Variants in PHLPP1 observed in about 807,000 individuals in gnomAD.
PHLPP1 encodes the protein PH domain and leucine rich repeat protein phosphatase 1, also known as PH domain leucine-rich repeat-containing protein phosphatase 1.
PHLPP1 carries 42 observed loss-of-function variants against 117.2 expected under a neutral mutation model. The observed-to-expected ratio is 0.36, with a 90% confidence interval of 0.28 to 0.46. The LOEUF is 0.46. Ranked by LOEUF, PHLPP1 falls within the 20% of genes least tolerant of loss-of-function variation. The pLI is 1.00. For missense variants in PHLPP1, 2,084 were observed against 2,241.9 expected, an observed-to-expected ratio of 0.93 and a Z score of 1.42; for synonymous variants, 1,042 against 970.7, an observed-to-expected ratio of 1.07 and a Z score of -1.37.
chr18:62,818,132 C>A (rs1914346990), intron 1 of PHLPP1, among the ~76,000 whole-genome samples: 1 of 152,032 alleles, frequency 6.6e-6, no homozygotes, highest in Non-Finnish European at 1.5e-5. Flanking sequence ...GTGTGAGCCA[C>A]CATGCCCGGG....
At chr18:62,952,110 G>A (rs1422468061) in intron 12 of PHLPP1, among the ~76,000 whole-genome samples, 2 of 151,276 alleles carry the variant, frequency 1.3e-5, no homozygotes, top group African/African-American at 2.4e-5. Flanking sequence ...GAGCCACCGC[G>A]CCCGGCCATA....
In PHLPP1 at chr18:62,717,069, G is replaced by GCC; in HGVS notation, c.1387_1388dup (p.Pro464LeufsTer92). The GCC allele has an allele frequency of 6.5e-7, 1 of 1,543,740 alleles. No homozygotes were observed. The highest frequency in any genetic ancestry group is 1.2e-5 in the South Asian group (1 of 83,838). ...GGAGCGGGGTGACCGCGGAGAAGGCGCCTCCGCCGCCCCCGCCGCCCACCC... is the reference window on the plus strand; with the variant it reads ...GGAGCGGGGTGACCGCGGAGAAGGCGCCCCTCCGCCGCCCCCGCCGCCCACCC... On this transcript the variant is annotated frameshift_variant, in exon 1 of 17. Coordinates refer to ENST00000262719, the MANE Select transcript of PHLPP1 (RefSeq NM_194449.4). LOFTEE classifies it high-confidence loss of function.
In PHLPP1 at chr18:62,872,966, G is replaced by A. The variant is rs183086832; in HGVS notation, c.2066+12365G>A. Among the ~76,000 whole-genome samples the A allele has an allele frequency of 1.0e-3, 128 of 125,808 alleles. 1 individual carries two copies. Among genetic ancestry groups the A allele is most frequent in the African/African-American group, 4.1e-3 (123 of 29,716 alleles). The allele number at this position is 125,808 out of a possible 152,430, so 82.5% of individuals were successfully genotyped here. On this transcript the variant is annotated intron_variant, in intron 4 of 16. Coordinates refer to ENST00000262719, the MANE Select transcript of PHLPP1 (RefSeq NM_194449.4). Reference sequence around the variant, plus strand: ...TGAGCCACTGCATTCCAGCCTGGGCGACAGAGCAAAACTCTGCCTCAAAAA... The same window carrying A: ...TGAGCCACTGCATTCCAGCCTGGGCAACAGAGCAAAACTCTGCCTCAAAAA...
chr18:62,805,030 G>A (rs1448015659), intron 1 of PHLPP1, among the ~76,000 whole-genome samples: 4 of 120,100 alleles, frequency 3.3e-5, no homozygotes, highest in South Asian at 2.7e-4. Flanking sequence ...CACTGCATAG[G>A]TTATACATAT....
At chr18:62,743,383 A>G (rs912512226) in intron 1 of PHLPP1, among the ~76,000 whole-genome samples, 1 of 152,028 alleles carries the variant, frequency 6.6e-6, no homozygotes, top group South Asian at 2.1e-4. Flanking sequence ...TCACGTAATC[A>G]TTACCCAGCA....
At chr18:62,940,681 C>G (rs1910108309) in intron 10 of PHLPP1, among the ~76,000 whole-genome samples, 1 of 152,206 alleles carries the variant, frequency 6.6e-6, no homozygotes, top group African/African-American at 2.4e-5. Context: ...TCTTTTCACT[C>G]TAGCATCTGA....
chr18:62,856,513 G>A (rs898694886), intron 3 of PHLPP1, among the ~76,000 whole-genome samples: 1 of 152,040 alleles, frequency 6.6e-6, no homozygotes, highest in Admixed American at 6.6e-5. Context: ...CTGCAACCTC[G>A]ACCTTCTGGG....
At chr18:62,815,057 T>A (rs1391701051) in intron 1 of PHLPP1, among the ~76,000 whole-genome samples, 2 of 152,014 alleles carry the variant, frequency 1.3e-5, no homozygotes, top group Non-Finnish European at 2.9e-5. Flanking sequence ...GGCTTAGCTG[T>A]GTAGTTCTGG....
chr18:62,816,062 G>A (rs149796951), intron 1 of PHLPP1, among the ~76,000 whole-genome samples: 35 of 152,174 alleles, frequency 2.3e-4, no homozygotes, highest in African/African-American at 8.0e-4. Context: ...TCCTTTTGTT[G>A]AATGTTGAGG....
chr18:62,820,157 A>G (rs1914405878), intron 1 of PHLPP1, among the ~76,000 whole-genome samples: 1 of 152,228 alleles, frequency 6.6e-6, no homozygotes, highest in South Asian at 2.1e-4. Context: ...TAACAATCCT[A>G]AATGTTTATG....
At chr18:62,739,817 T>A (rs1370985755) in intron 1 of PHLPP1, among the ~76,000 whole-genome samples, 8 of 152,178 alleles carry the variant, frequency 5.3e-5, no homozygotes, top group Non-Finnish European at 1.0e-4. Flanking sequence ...CTCAGTTTTC[T>A]TAGTGAATTA....
In PHLPP1 at chr18:62,958,694, G is replaced by T; in HGVS notation, c.3390G>T (p.Leu1130=). ...TACCAGAAAACCTGCCTCCCAAACT[G>T]CAGGAGCTAGACCTGACTGGAAACC... is the stretch of plus-strand genomic sequence containing the variant. The part of the protein sequence containing the change: ...VTLPENLPPK[L]QELDLTGNPR... The change falls in exon 13 of 17, where the codon CTG becomes CTT. Residue 1130 remains leucine, a synonymous_variant. Transcript: ENST00000262719. The T allele has an allele frequency of 6.2e-7, 1 of 1,613,934 alleles. No homozygotes were observed. The highest frequency in any genetic ancestry group is 1.1e-5 in the South Asian group (1 of 91,082).
chr18:62,829,258 A>G (rs1914691183), intron 1 of PHLPP1, among the ~76,000 whole-genome samples: 1 of 152,180 alleles, frequency 6.6e-6, no homozygotes, highest in South Asian at 2.1e-4. Flanking sequence ...TACAGTAAAT[A>G]TACATTGAAT....
intron 12 of PHLPP1, among the ~76,000 whole-genome samples, chr18:62,953,535 C>T (rs756836286): frequency 3.3e-5 from 5 of 152,324 alleles, no homozygotes; most frequent in Non-Finnish European, 5.9e-5. Context: ...TCTGCCATAT[C>T]GTTGATCATA....
In PHLPP1 at chr18:62,879,127, G is replaced by T. The variant is rs941260437; in HGVS notation, c.2067-15884G>T. Among the ~76,000 whole-genome samples the T allele has an allele frequency of 2.0e-5, 3 of 152,154 alleles. No individual in the cohort carries two copies. In the South Asian group the frequency reaches 6.2e-4, roughly 32 times the overall value. ...TGAATGTGTCCTCCAAAGTTGATGTGTTGGAAACATAATCCCCCATGCAAC... is the reference window on the plus strand; with the variant it reads ...TGAATGTGTCCTCCAAAGTTGATGTTTTGGAAACATAATCCCCCATGCAAC... On this transcript the variant is annotated intron_variant, in intron 4 of 16. Coordinates refer to ENST00000262719, the MANE Select transcript of PHLPP1 (RefSeq NM_194449.4).
intron 1 of PHLPP1, among the ~76,000 whole-genome samples, chr18:62,814,903 A>G (rs1296316089): frequency 6.6e-6 from 1 of 152,230 alleles, no homozygotes; most frequent in Non-Finnish European, 1.5e-5. Flanking sequence ...CCAACACAGT[A>G]AAGTTGTGAG....
chr18:62,878,374 C>T (rs1286530164), intron 4 of PHLPP1, among the ~76,000 whole-genome samples: 1 of 152,162 alleles, frequency 6.6e-6, no homozygotes, highest in Non-Finnish European at 1.5e-5. Context: ...TCCTCTCCTC[C>T]CTCTCTCTGC....
intron 1 of PHLPP1, among the ~76,000 whole-genome samples, chr18:62,781,354 C>T (rs1913114414): frequency 6.6e-6 from 1 of 152,170 alleles, no homozygotes; most frequent in African/African-American, 2.4e-5. Flanking sequence ...GGGTTGCTCA[C>T]CTAACCTGCC....
intron 4 of PHLPP1, among the ~76,000 whole-genome samples, chr18:62,892,693 G>A (rs956590751): frequency 4.6e-5 from 7 of 151,570 alleles, no homozygotes; most frequent in African/African-American, 1.7e-4. Context: ...TGGCCAACAT[G>A]GTGAAACCCC....
Sources: allele counts gnomAD v4.1 joint callset (sites outside exome capture counted in the v4.1 genomes callset), GRCh38; gene constraint gnomAD v4.1.1; transcripts MANE v1.5; gene names NCBI Gene and HGNC (gene_info 2026-07-23, HGNC 2026-07-21).